The following SIMC1 variants were observed in gnomAD, a reference collection of about 807,000 sequenced individuals.
SIMC1 encodes the protein SUMO interacting motifs containing 1.
SIMC1 carries 55 observed loss-of-function variants against 82.3 expected under a neutral mutation model. The ratio of observed to expected loss-of-function variants is 0.67; its 90% confidence interval spans 0.54 to 0.84. The LOEUF is 0.84. Among genes scored for constraint, SIMC1 ranks in the 40% least tolerant of loss-of-function variants. The pLI is 0.00. For synonymous variants in SIMC1, 353 were observed against 426.3 expected, an observed-to-expected ratio of 0.83 and a Z score of 2.12; for missense variants, 915 against 1,107.2, an observed-to-expected ratio of 0.83 and a Z score of 2.46.
chr5:176,306,921 T>TTA (rs1554112673), intron 4 of SIMC1, among the ~76,000 whole-genome samples: 19 of 91,432 alleles, frequency 2.1e-4, no homozygotes, highest in South Asian at 9.8e-4. Flanking sequence ...AAAAATAAAT[T>TTA]AAAAAAAAAA....
chr5:176,272,213 A>G (rs67198722), intron 1 of SIMC1, among the ~76,000 whole-genome samples: 91,618 of 124,996 alleles, frequency 0.73, 34,727 homozygotes, highest in Middle Eastern at 0.86. Context: ...GGCATGGTGG[A>G]ACGCACCTGC....
intron 4 of SIMC1, chr5:176,313,154 T>C (rs72645802): frequency 0.15 from 72,530 of 493,314 alleles, 5,592 homozygotes; most frequent in Middle Eastern, 0.2. Context: ...CCAACAGACT[T>C]GGCTCAATCA....
At chr5:176,316,000 C>A (rs918318113) in intron 5 of SIMC1, among the ~76,000 whole-genome samples, 5 of 151,690 alleles carry the variant, frequency 3.3e-5, no homozygotes, top group Admixed American at 6.6e-5. Context: ...CACGGTGAAA[C>A]CCTATCTCTA....
chr5:176,253,604 G>T (rs1267902037), intron 1 of SIMC1, among the ~76,000 whole-genome samples: 1 of 152,126 alleles, frequency 6.6e-6, no homozygotes, highest in Non-Finnish European at 1.5e-5. Flanking sequence ...TTGACAACTA[G>T]GAGTCAGCGT....
chr5:176,300,184 C>T (rs529169107), intron 4 of SIMC1, among the ~76,000 whole-genome samples: 6 of 152,166 alleles, frequency 3.9e-5, no homozygotes, highest in African/African-American at 1.4e-4. Flanking sequence ...AAACCAACAA[C>T]CTGAGTATAT....
chr5:176,247,259 T>G lies in SIMC1; in HGVS notation c.129+8622T>G, dbSNP rs571415895. 6.6e-4 allele frequency among the ~76,000 whole-genome samples: 100 copies of G among 152,292 alleles called. No individual in the cohort carries two copies. The South Asian group carries it at 7.3e-3, about 11-fold the overall frequency. On this transcript the variant is annotated intron_variant, in intron 1 of 9. Transcript: ENST00000429602. The stretch of plus-strand genomic sequence containing the variant: ...AGTGTTCCTATTTCTCCACATCCTC[T>G]CCAGCATCTGTTGGTTCCTGACTTT...
At chr5:176,325,029 G>A (rs1017311397) in intron 7 of SIMC1, among the ~76,000 whole-genome samples, 1 of 152,112 alleles carries the variant, frequency 6.6e-6, no homozygotes, top group African/African-American at 2.4e-5. Flanking sequence ...ACCCTAAATG[G>A]AGGCTAAATT....
At chr5:176,276,435 A>T (rs1467415962) in intron 1 of SIMC1, among the ~76,000 whole-genome samples, 1 of 147,240 alleles carries the variant, frequency 6.8e-6, no homozygotes, top group Non-Finnish European at 1.5e-5. Flanking sequence ...TCCTGGATTC[A>T]TTAATTTTTT....
In SIMC1 at chr5:176,345,312, T is replaced by G; in HGVS notation, c.2543T>G (p.Leu848Arg). 6.2e-7 allele frequency: 1 copy of G among 1,614,020 alleles called. No homozygotes were observed. Among genetic ancestry groups the G allele is most frequent in the East Asian group, 2.2e-5 (1 of 44,890 alleles). ...EKQIEAFRSR[L>R]IQMLGEPLVP... ...CAGATTGAGGCCTTCCGCAGCCGCCTGATCCAGATGCTGGGGGAGCCTCTT... is the reference window on the plus strand; with the variant it reads ...CAGATTGAGGCCTTCCGCAGCCGCCGGATCCAGATGCTGGGGGAGCCTCTT... Residue 848 changes from leucine to arginine, a missense_variant, in exon 10 of 10, where the codon CTG (leucine) becomes CGG (arginine). By Grantham distance (102) the Leu-to-Arg change is moderately radical. This residue lies in a region of SIMC1 where 902 missense variants were observed against 1,040.3 expected (regional missense o/e 0.87). Coordinates refer to ENST00000429602, the MANE Select transcript of SIMC1 (RefSeq NM_001308195.2).
intron 7 of SIMC1, among the ~76,000 whole-genome samples, chr5:176,327,956 C>T (rs1765465923): frequency 6.6e-6 from 1 of 152,100 alleles, no homozygotes; most frequent in Non-Finnish European, 1.5e-5. Flanking sequence ...TGATGTTATC[C>T]TTCTTATATA....
chr5:176,345,355 CA>C lies in SIMC1; in HGVS notation c.2589del (p.Val864CysfsTer4), dbSNP rs761906524. 1 of 1,613,994 alleles carries C rather than the reference CA, an allele frequency of 6.2e-7. No homozygotes were observed. The highest frequency in any genetic ancestry group is 8.5e-7 in the Non-Finnish European group (1 of 1,179,894). On this transcript the variant is annotated frameshift_variant, in exon 10 of 10. Coordinates refer to ENST00000429602, the MANE Select transcript of SIMC1 (RefSeq NM_001308195.2). LOFTEE classifies it high-confidence loss of function. ...GEPLVPQLQD[K>X]VHLLKLLLFY... is the part of the protein sequence containing the mutation. Reference sequence around the variant, plus strand: ...AGCCTCTTGTCCCCCAACTCCAAGACAAAGTGCACTTGTTGAAGCTCCTGCT... The same window carrying C: ...AGCCTCTTGTCCCCCAACTCCAAGACAAGTGCACTTGTTGAAGCTCCTGCT...
intron 4 of SIMC1, among the ~76,000 whole-genome samples, chr5:176,301,451 C>T (rs1032451156): frequency 4.6e-5 from 7 of 152,054 alleles, no homozygotes; most frequent in African/African-American, 1.2e-4. Context: ...TTATTAGTAG[C>T]GTGATACACC....
intron 4 of SIMC1, among the ~76,000 whole-genome samples, chr5:176,303,075 A>G (rs1183730870): frequency 6.6e-6 from 1 of 151,984 alleles, no homozygotes; most frequent in Non-Finnish European, 1.5e-5. Context: ...TTCATGTTGA[A>G]TCCCAAGAGA....
chr5:176,313,480 A>G, intron 4 of SIMC1: 5 of 1,551,034 alleles, frequency 3.2e-6, no homozygotes, highest in Non-Finnish European at 4.4e-6. Context: ...CTGAAACCTT[A>G]TAAGGTATGA....
chr5:176,321,617 G>C (rs1765161828), intron 5 of SIMC1, among the ~76,000 whole-genome samples: 1 of 152,094 alleles, frequency 6.6e-6, no homozygotes, highest in South Asian at 2.1e-4. Flanking sequence ...ATTAAAAGTA[G>C]TTTTGACTGT....
At chr5:176,271,417 G>C (rs1287728187) in intron 1 of SIMC1, among the ~76,000 whole-genome samples, 2 of 152,052 alleles carry the variant, frequency 1.3e-5, no homozygotes, top group Admixed American at 6.6e-5. Context: ...TAAAGAAATA[G>C]AATCAATAAT....
chr5:176,302,363 A>G (rs558046372), intron 4 of SIMC1, among the ~76,000 whole-genome samples: 8 of 152,210 alleles, frequency 5.3e-5, no homozygotes, highest in Non-Finnish European at 1.0e-4. Context: ...ACAAAATTCA[A>G]CACCCTTTCT....
intron 1 of SIMC1, among the ~76,000 whole-genome samples, chr5:176,255,707 A>G (rs1217525876): frequency 2.8e-5 from 4 of 145,284 alleles, no homozygotes; most frequent in South Asian, 2.2e-4. Flanking sequence ...AATAAATTAA[A>G]AAATGAGTAC....
intron 9 of SIMC1, among the ~76,000 whole-genome samples, chr5:176,340,125 A>C (rs898979197): frequency 6.6e-6 from 1 of 152,220 alleles, no homozygotes; most frequent in Admixed American, 6.5e-5. Flanking sequence ...GATTAGGTAA[A>C]TTCACCTGCA....
Sources: gnomAD v4.1 joint callset for allele counts (sites outside exome capture counted in the v4.1 genomes callset) on GRCh38, gnomAD v4.1.1 for gene constraint, gnomAD v4.1.1 regional missense constraint, MANE v1.5 for transcripts, NCBI Gene and HGNC (gene_info 2026-07-23, HGNC 2026-07-21) for gene names.